CTNND1: variants seen among roughly 807,000 people sequenced by gnomAD.
The protein encoded by CTNND1 is catenin delta-1.
In CTNND1, 16 loss-of-function variants were observed where a neutral mutation model predicts 112.1. That is an observed-to-expected ratio of 0.14 (90% CI 0.10 to 0.22). The LOEUF is 0.22. CTNND1 is among the 10% of genes least tolerant of loss of function. The pLI, the probability that CTNND1 is intolerant of heterozygous loss-of-function variation, is 1.00. For missense variants in CTNND1, 1,008 were observed against 1,257.0 expected (o/e 0.80, Z 3.00); for synonymous variants, 420 against 446.5 (o/e 0.94, Z 0.75).
At chr11:57,797,206 A>G (rs1432405736) in intron 6 of CTNND1, among the ~76,000 whole-genome samples, 1 of 147,832 alleles carries the variant, frequency 6.8e-6, no homozygotes, top group East Asian at 2.0e-4. Context: ...TATATATATA[A>G]TTTTTTAAAT....
At chr11:57,799,858 C>A (rs1457679408) in intron 6 of CTNND1, among the ~76,000 whole-genome samples, 2 of 151,704 alleles carry the variant, frequency 1.3e-5, no homozygotes, top group Non-Finnish European at 2.9e-5. Flanking sequence ...GGTGCATATC[C>A]TTTGAGTTTT....
chr11:57,813,614 A>C (rs946186136), intron 17 of CTNND1, among the ~76,000 whole-genome samples: 29 of 152,344 alleles, frequency 1.9e-4, no homozygotes, highest in Middle Eastern at 3.4e-3. Flanking sequence ...ACTACTAATT[A>C]GTATACTATT....
intron 1 of CTNND1, among the ~76,000 whole-genome samples, chr11:57,765,365 G>A (rs1950790244): frequency 6.6e-6 from 1 of 151,998 alleles, no homozygotes; most frequent in Non-Finnish European, 1.5e-5. Flanking sequence ...AGGCTTGAAA[G>A]GAAGCAAAAC....
chr11:57,781,064 G>A (rs1338884381), intron 1 of CTNND1, among the ~76,000 whole-genome samples: 2 of 151,958 alleles, frequency 1.3e-5, no homozygotes, highest in Non-Finnish European at 2.9e-5. Context: ...TCAGCCTCCC[G>A]GGTAGCTAGG....
At chr11:57,792,805 G>T (rs1053823331) in intron 3 of CTNND1, among the ~76,000 whole-genome samples, 1 of 150,704 alleles carries the variant, frequency 6.6e-6, no homozygotes, top group African/African-American at 2.4e-5. Flanking sequence ...CTGGGATTAC[G>T]CGTGAGCTAC....
intron 20 of CTNND1, 116 bp from the exon 21 acceptor site, chr11:57,816,181 A>G: frequency 1.5e-6 from 2 of 1,348,442 alleles, no homozygotes; most frequent in Non-Finnish European, 1.1e-6. Context: ...GCAGCTGGTG[A>G]TCTGATTCTC....
intron 2 of CTNND1, 122 bp downstream of exon 2, chr11:57,789,277 T>C (rs1285891742): frequency 4.8e-6 from 3 of 631,158 alleles, no homozygotes; most frequent in Non-Finnish European, 5.1e-6. Flanking sequence ...CTTTATGGGT[T>C]GGTGAGAGGG....
chr11:57,806,607 G>A, intron 11 of CTNND1, 129 bp downstream of exon 11: 1 of 851,952 alleles, frequency 1.2e-6, no homozygotes, highest in Non-Finnish European at 1.9e-6. Flanking sequence ...GGAAGACACT[G>A]AAACAAGTTT....
intron 1 of CTNND1, among the ~76,000 whole-genome samples, chr11:57,766,192 C>A (rs1951032358): frequency 6.6e-6 from 1 of 152,062 alleles, no homozygotes; most frequent in Non-Finnish European, 1.5e-5. Context: ...TTAAATGTTG[C>A]CATTTTCTAG....
chr11:57,770,186 C>T (rs113152085), intron 1 of CTNND1, among the ~76,000 whole-genome samples: 1 of 151,078 alleles, frequency 6.6e-6, no homozygotes, highest in African/African-American at 2.4e-5. Flanking sequence ...AAAAATTAGC[C>T]GGGCGTGGTG....
chr11:57,818,106 C>T lies in CTNND1; in HGVS notation c.*1798C>T, dbSNP rs905839916. 1 of 152,334 alleles carries T rather than the reference C, an allele frequency of 6.6e-6. No homozygotes were observed. The highest frequency in any genetic ancestry group is 1.5e-5 in the Non-Finnish European group (1 of 68,014). 9.4% of individuals were successfully genotyped at this position (152,334 alleles called of 1,614,324 possible). On this transcript the variant is annotated 3_prime_UTR_variant, in exon 21 of 21. Coordinates refer to ENST00000399050, the MANE Select transcript of CTNND1 (RefSeq NM_001085458.2). ...AAAGGAGCCTTTTGCTCTCTGTGACCCTAAGAGCACACTGCACAGGGAAAA... is the reference window on the plus strand; with the variant it reads ...AAAGGAGCCTTTTGCTCTCTGTGACTCTAAGAGCACACTGCACAGGGAAAA...
At chr11:57,773,486 T>A (rs1251864898) in intron 1 of CTNND1, among the ~76,000 whole-genome samples, 1 of 148,798 alleles carries the variant, frequency 6.7e-6, no homozygotes, top group Non-Finnish European at 1.5e-5. Context: ...GTTTAAGCTC[T>A]TGTTGCCCAG....
At chr11:57,794,717 G>A (rs934577151) in intron 4 of CTNND1, among the ~76,000 whole-genome samples, 4 of 151,530 alleles carry the variant, frequency 2.6e-5, no homozygotes, top group African/African-American at 7.3e-5. Flanking sequence ...ACCAGGTGGC[G>A]GAGATTGTGG....
intron 16 of CTNND1, among the ~76,000 whole-genome samples, chr11:57,810,967 G>GA (rs539734472): frequency 8.6e-4 from 122 of 141,338 alleles, no homozygotes; most frequent in South Asian, 2.7e-3. Flanking sequence ...AAAAAAAAAA[G>GA]AAAAAAAAAA....
intron 2 of CTNND1, among the ~76,000 whole-genome samples, chr11:57,789,722 G>T (rs1183338676): frequency 5.9e-5 from 9 of 152,162 alleles, no homozygotes; most frequent in Non-Finnish European, 1.3e-4. Context: ...TTACAAATTT[G>T]TGTTGGGCCG....
At position 57,816,487 on chromosome 11, in the gene CTNND1, T is replaced by C. The variant is rs919339299; in HGVS notation, c.*179T>C. The C allele has an allele frequency of 4.0e-5, 28 of 695,746 alleles. No homozygotes were observed. The African/African-American group carries it at 4.5e-4, about 11-fold the overall frequency. 43.1% of individuals were successfully genotyped at this position (695,746 alleles called of 1,614,324 possible). On this transcript the variant is annotated 3_prime_UTR_variant, in exon 21 of 21. Coordinates refer to ENST00000399050, the MANE Select transcript of CTNND1 (RefSeq NM_001085458.2). ...CAACTCCCAACTTCTTCCTGTGAAG[T>C]TTAATTGTCTCAACGCCTCCCCCTC...
chr11:57,807,053 C>T (rs2062761030), intron 12 of CTNND1, 70 bp downstream of exon 12: 4 of 1,212,608 alleles, frequency 3.3e-6, no homozygotes, highest in South Asian at 2.7e-5. Flanking sequence ...AGTAACCTAA[C>T]AGCAGACTTT....
At chr11:57,762,204 T>A in intron 1 of CTNND1, 85 bp downstream of exon 1, 1 of 601,220 alleles carries the variant, frequency 1.7e-6, no homozygotes, top group Non-Finnish European at 2.1e-6. Flanking sequence ...CTACTTTCAG[T>A]ACTTTGGCGG....
Position 57,808,191 on chromosome 11 carries a change from G to C in CTNND1, c.1990G>C (p.Val664Leu). 1.2e-6 allele frequency: 2 copies of C among 1,613,440 alleles called. No individual in the cohort carries two copies. The highest frequency in any genetic ancestry group is 8.5e-7 in the Non-Finnish European group (1 of 1,179,482). The change falls in exon 13 of 21, where the codon GTG (valine) becomes CTG (leucine). Residue 664 changes from valine (V) to leucine (L), a missense_variant. Val to Leu is a conservative substitution (Grantham distance 32). Transcript: ENST00000399050. The stretch of plus-strand genomic sequence containing the variant: ...CTATGAGCTCTTATTTCAGCCAGAG[G>C]TGGTTCGGATATACATCTCACTTCT... ...RGYELLFQPEVVRIYISLLKE... is the reference protein window; with the variant it reads ...RGYELLFQPELVRIYISLLKE...
Sources: allele counts gnomAD v4.1 joint callset (sites outside exome capture counted in the v4.1 genomes callset), GRCh38; gene constraint gnomAD v4.1.1; transcripts MANE v1.5; gene names NCBI Gene and HGNC (gene_info 2026-07-23, HGNC 2026-07-21).